Variants in MSRA observed in about 807,000 individuals in gnomAD.
MSRA encodes the protein mitochondrial peptide methionine sulfoxide reductase.
In MSRA, 54 loss-of-function variants were observed where a neutral mutation model predicts 31.3. The ratio of observed to expected loss-of-function variants is 1.73; its 90% confidence interval spans 1.39 to 2.17. The LOEUF (loss-of-function observed/expected upper bound fraction) is 2.17. Ranked by LOEUF, MSRA falls within the 30% of genes most tolerant of loss-of-function variation. The pLI is 0.00. For synonymous variants in MSRA, 169 were observed against 116.5 expected (o/e 1.45, Z -2.90); for missense variants, 507 against 300.9 (o/e 1.69, Z -5.07).
At position 10,301,531 on chromosome 8, in the gene MSRA, A is replaced by T. The variant is rs373125212; in HGVS notation, c.332-3A>T. 7.5e-6 allele frequency: 12 copies of T among 1,605,770 alleles called. No individual in the cohort carries two copies. The African/African-American group carries it at 1.6e-4, about 22-fold the overall frequency. On this transcript the variant is annotated splice_polypyrimidine_tract_variant and splice_region_variant and intron_variant, in intron 3 of 5. Transcript: ENST00000317173. ...TTCGGTTGTACGTTTTGTTTTTTCC[A>T]AGAAAAAACTGGCCATGCAGAAGTC...
At position 10,371,270 on chromosome 8, in the gene MSRA, C is replaced by T. The variant is rs559135914; in HGVS notation, c.543+51281C>T. 2.0e-5 allele frequency among the ~76,000 whole-genome samples: 3 copies of T among 152,220 alleles called. No homozygotes were observed. In the South Asian group the frequency reaches 6.2e-4, roughly 32 times the overall value. On this transcript the variant is annotated intron_variant, in intron 5 of 5. Transcript: ENST00000317173. ...GCCATCCCGGCCTCTAGAGATGGTG[C>T]AGTTTTAAGACTAGGAACACCCCTA...
At chr8:10,370,954 A>G (rs1326706152) in intron 5 of MSRA, among the ~76,000 whole-genome samples, 2 of 152,184 alleles carry the variant, frequency 1.3e-5, no homozygotes, top group African/African-American at 4.8e-5. Context: ...GCAGGTCATG[A>G]GAAGACGTGT....
At chr8:10,261,983 C>T (rs1798509838) in intron 3 of MSRA, among the ~76,000 whole-genome samples, 1 of 152,160 alleles carries the variant, frequency 6.6e-6, no homozygotes, top group African/African-American at 2.4e-5. Flanking sequence ...CAGTAAATAG[C>T]ATGTTTAGAT....
chr8:10,304,954 T>A (rs1801047398), intron 4 of MSRA, among the ~76,000 whole-genome samples: 1 of 152,220 alleles, frequency 6.6e-6, no homozygotes, highest in Non-Finnish European at 1.5e-5. Flanking sequence ...CCAGAATTGC[T>A]TATCAACAAA....
At chr8:10,107,038 G>A (rs1799933242) in intron 1 of MSRA, among the ~76,000 whole-genome samples, 1 of 152,150 alleles carries the variant, frequency 6.6e-6, no homozygotes, top group Admixed American at 6.5e-5. Context: ...GCTGAGTGAT[G>A]AGGCCACATC....
At chr8:10,385,817 T>C (rs60755617) in intron 5 of MSRA, among the ~76,000 whole-genome samples, 1 of 146,882 alleles carries the variant, frequency 6.8e-6, no homozygotes, top group African/African-American at 2.5e-5. Flanking sequence ...GGGGGTGGGG[T>C]GTCTTCCTAA....
chr8:10,291,740 A>G (rs894911161), intron 3 of MSRA, among the ~76,000 whole-genome samples: 3 of 152,304 alleles, frequency 2.0e-5, no homozygotes, highest in Admixed American at 2.0e-4. Flanking sequence ...CGGTTTGGAT[A>G]AGTCTGGCTG....
intron 3 of MSRA, among the ~76,000 whole-genome samples, chr8:10,294,453 A>G (rs548588584): frequency 6.6e-6 from 1 of 152,218 alleles, no homozygotes; most frequent in African/African-American, 2.4e-5. Context: ...CAGTGTCCCC[A>G]TTTTGCAGTT....
intron 2 of MSRA, among the ~76,000 whole-genome samples, chr8:10,214,137 G>C (rs1429900296): frequency 6.6e-6 from 1 of 152,138 alleles, no homozygotes; most frequent in Admixed American, 6.5e-5. Context: ...GCCAAGCCGA[G>C]GACTTAGGAA....
intron 3 of MSRA, among the ~76,000 whole-genome samples, chr8:10,283,802 C>CATATATATATATATATAT (rs375322603): frequency 2.2e-5 from 1 of 46,156 alleles, no homozygotes; most frequent in Non-Finnish European, 3.5e-5. Context: ...TATTCTATCT[C>CATATATATATATATATAT]ATATATATAT....
chr8:10,179,894 A>C (rs975593472), intron 1 of MSRA, among the ~76,000 whole-genome samples: 1 of 152,186 alleles, frequency 6.6e-6, no homozygotes, highest in Non-Finnish European at 1.5e-5. Flanking sequence ...GTCAACCCCA[A>C]AGTTGTTCTA....
chr8:10,258,901 G>GT (rs1487244617), intron 3 of MSRA, among the ~76,000 whole-genome samples: 3 of 152,216 alleles, frequency 2.0e-5, no homozygotes, highest in Non-Finnish European at 4.4e-5. Flanking sequence ...GAGGTCAGGA[G>GT]TTTGAGACCA....
intron 1 of MSRA, among the ~76,000 whole-genome samples, chr8:10,064,755 G>T (rs1476316273): frequency 2.0e-5 from 3 of 152,018 alleles, no homozygotes; most frequent in African/African-American, 7.3e-5. Flanking sequence ...ACTTTGCATA[G>T]GTCAAAAGTC....
intron 1 of MSRA, among the ~76,000 whole-genome samples, chr8:10,203,405 T>C (rs1012608733): frequency 6.6e-5 from 10 of 152,214 alleles, no homozygotes; most frequent in Admixed American, 6.5e-4. Context: ...CATAAAGATA[T>C]GTAACAGTCA....
At chr8:10,389,001 C>T (rs1405080144) in intron 5 of MSRA, among the ~76,000 whole-genome samples, 2 of 152,144 alleles carry the variant, frequency 1.3e-5, no homozygotes, top group African/African-American at 4.8e-5. Flanking sequence ...CGCCTGTTGA[C>T]ATATTTATGC....
intron 5 of MSRA, among the ~76,000 whole-genome samples, chr8:10,412,920 A>T (rs1374353535): frequency 2.6e-5 from 4 of 152,184 alleles, no homozygotes; most frequent in Admixed American, 2.6e-4. Context: ...AACCATTGGA[A>T]ATTTCCCATC....
intron 1 of MSRA, among the ~76,000 whole-genome samples, chr8:10,067,530 A>G (rs941085893): frequency 6.6e-6 from 1 of 152,162 alleles, no homozygotes. Flanking sequence ...TAAGTTTTCA[A>G]CTCATTTGGG....
At chr8:10,126,092 C>G (rs576911166) in intron 1 of MSRA, among the ~76,000 whole-genome samples, 2 of 152,304 alleles carry the variant, frequency 1.3e-5, no homozygotes, top group African/African-American at 4.8e-5. Context: ...TCATTCTCTT[C>G]TTGGAGGACT....
intron 3 of MSRA, among the ~76,000 whole-genome samples, chr8:10,294,020 A>G (rs1800393794): frequency 6.6e-6 from 1 of 152,100 alleles, no homozygotes; most frequent in Non-Finnish European, 1.5e-5. Context: ...CCTGGCCAAC[A>G]TGGCGAAACC....
Sources: allele counts gnomAD v4.1 joint callset (sites outside exome capture counted in the v4.1 genomes callset), GRCh38; gene constraint gnomAD v4.1.1; transcripts MANE v1.5; gene names NCBI Gene and HGNC (gene_info 2026-07-23, HGNC 2026-07-21).